Variants in CLEC16A observed in about 807,000 individuals in gnomAD.
The protein encoded by CLEC16A is protein CLEC16A.
CLEC16A carries 51 observed loss-of-function variants against 109.5 expected under a neutral mutation model. The observed-to-expected ratio is 0.47, with a 90% CI of 0.37 to 0.59. The LOEUF (loss-of-function observed/expected upper bound fraction) is 0.59, where lower values mean the gene tolerates loss of function less well. Ranked by LOEUF, CLEC16A falls within the 20% of genes least tolerant of loss-of-function variation. The pLI is 0.00. For synonymous variants in CLEC16A, 673 were observed against 564.2 expected, an observed-to-expected ratio of 1.19 and a Z score of -2.73; for missense variants, 1,339 against 1,394.0, an observed-to-expected ratio of 0.96 and a Z score of 0.63.
chr16:11,028,076 T>G (rs2046523151), intron 13 of CLEC16A, among the ~76,000 whole-genome samples: 1 of 152,194 alleles, frequency 6.6e-6, no homozygotes, highest in African/African-American at 2.4e-5. Flanking sequence ...GGCGCATGCC[T>G]GTAATCCCAG....
At chr16:11,040,975 G>A (rs1806596270) in intron 14 of CLEC16A, 1 of 152,152 alleles carries the variant, frequency 6.6e-6, no homozygotes, top group African/African-American at 2.4e-5. Context: ...GGCCTTAGAG[G>A]CATAGCCTGA....
At chr16:11,118,185 C>G (rs2052145125) in intron 19 of CLEC16A, among the ~76,000 whole-genome samples, 1 of 152,032 alleles carries the variant, frequency 6.6e-6, no homozygotes, top group Non-Finnish European at 1.5e-5. Context: ...AACTCCTGGG[C>G]TCAAGCATTC....
At chr16:11,125,832 G>A in intron 21 of CLEC16A, 147 bp from the exon 22 acceptor site, 2 of 768,350 alleles carry the variant, frequency 2.6e-6, no homozygotes, top group Non-Finnish European at 4.3e-6. Context: ...GGTCTCTGCA[G>A]CTTGAGGCTG....
chr16:11,012,594 C>CAAAAAAAAAAAA (rs551902895), intron 11 of CLEC16A, among the ~76,000 whole-genome samples: 6 of 67,940 alleles, frequency 8.8e-5, no homozygotes, highest in African/African-American at 2.7e-4. Flanking sequence ...GACTCCGTCT[C>CAAAAAAAAAAAA]AAAAAAAAAA....
chr16:11,001,093 C>CT (rs892688667), intron 10 of CLEC16A, among the ~76,000 whole-genome samples: 19 of 149,854 alleles, frequency 1.3e-4, no homozygotes, highest in East Asian at 7.8e-4. Context: ...TGTCTATACC[C>CT]TTTTTTTTTT....
chr16:11,092,479 G>T (rs1180240685), intron 19 of CLEC16A, among the ~76,000 whole-genome samples: 17 of 151,972 alleles, frequency 1.1e-4, no homozygotes, highest in Non-Finnish European at 2.9e-5. Flanking sequence ...CCTCCCGGGA[G>T]GTTCCCGTGA....
chr16:11,053,117 C>G (rs768771145), intron 18 of CLEC16A, among the ~76,000 whole-genome samples: 1 of 152,164 alleles, frequency 6.6e-6, no homozygotes, highest in South Asian at 2.1e-4. Flanking sequence ...CCTTGAACTC[C>G]TGGCCTCAAG....
intron 2 of CLEC16A, among the ~76,000 whole-genome samples, chr16:10,960,646 T>C (rs568640665): frequency 6.6e-6 from 1 of 152,134 alleles, no homozygotes; most frequent in Non-Finnish European, 1.5e-5. Flanking sequence ...CACGTTTTCA[T>C]GATGAGGGGG....
In CLEC16A at chr16:10,969,287, C is replaced by T; in HGVS notation, c.470C>T (p.Thr157Ile). Residue 157 changes from threonine (T) to isoleucine (I), a missense_variant, in exon 4 of 24, where the codon ACT becomes ATT. Thr to Ile is a moderately conservative substitution (Grantham distance 89, BLOSUM62 -1). Coordinates refer to ENST00000409790, the MANE Select transcript of CLEC16A (RefSeq NM_015226.3). ...KTLSLKLNNH[T>I]VHFFYNEHTN... ...CTTTCGTTAAAACTCAACAACCACACTGTCCATTTCTTTTATAATGAGGTA... is the reference window on the plus strand; with the variant it reads ...CTTTCGTTAAAACTCAACAACCACATTGTCCATTTCTTTTATAATGAGGTA... The T allele has an allele frequency of 6.2e-7, 1 of 1,610,370 alleles. No homozygotes were observed. Among genetic ancestry groups the T allele is most frequent in the Non-Finnish European group, 8.5e-7 (1 of 1,178,500 alleles).
intron 1 of CLEC16A, among the ~76,000 whole-genome samples, chr16:10,952,843 A>T (rs1296646214): frequency 6.6e-6 from 1 of 152,260 alleles, no homozygotes; most frequent in Non-Finnish European, 1.5e-5. Context: ...GCATAAAAAA[A>T]TGTCGACTAC....
At chr16:10,975,652 T>G (rs1378753832) in intron 7 of CLEC16A, among the ~76,000 whole-genome samples, 1 of 152,114 alleles carries the variant, frequency 6.6e-6, no homozygotes, top group Non-Finnish European at 1.5e-5. Context: ...AATATCTTTT[T>G]TCTTTTCTTT....
chr16:11,103,387 C>T (rs899080054), intron 19 of CLEC16A, among the ~76,000 whole-genome samples: 1 of 152,194 alleles, frequency 6.6e-6, no homozygotes, highest in Admixed American at 6.5e-5. Flanking sequence ...TGAGACCAGC[C>T]TGGCCAACAT....
At chr16:11,151,182 C>T (rs115118058) in intron 22 of CLEC16A, among the ~76,000 whole-genome samples, 5 of 152,222 alleles carry the variant, frequency 3.3e-5, no homozygotes, top group South Asian at 2.1e-4. Flanking sequence ...TGGCCACTTA[C>T]GTTGTTTCTA....
chr16:11,176,891 T>A (rs1302682625), intron 23 of CLEC16A, among the ~76,000 whole-genome samples: 1 of 152,236 alleles, frequency 6.6e-6, no homozygotes, highest in Non-Finnish European at 1.5e-5. Context: ...CCTCTTCCCT[T>A]TCTATATGCT....
chr16:11,170,201 G>A (rs957217577), intron 23 of CLEC16A, among the ~76,000 whole-genome samples: 4 of 152,310 alleles, frequency 2.6e-5, no homozygotes, highest in South Asian at 2.1e-4. Context: ...TCCAACGTGC[G>A]TGGCTGCTCT....
chr16:11,046,315 C>G (rs564842672), intron 16 of CLEC16A, among the ~76,000 whole-genome samples: 1 of 151,976 alleles, frequency 6.6e-6, no homozygotes, highest in African/African-American at 2.4e-5. Context: ...TTTATTATAC[C>G]CTAAGTATAA....
chr16:11,018,289 G>GA (rs34388528), intron 11 of CLEC16A, among the ~76,000 whole-genome samples: 336 of 111,836 alleles, frequency 3.0e-3, no homozygotes, highest in East Asian at 0.011. Context: ...TCTCAAAAAA[G>GA]AAAAAAAAAA....
At chr16:10,974,852 T>A (rs914084440) in intron 7 of CLEC16A, among the ~76,000 whole-genome samples, 4 of 152,266 alleles carry the variant, frequency 2.6e-5, no homozygotes, top group African/African-American at 4.8e-5. Context: ...CCACAGGGAA[T>A]GTTATGACAT....
At chr16:11,131,615 G>A (rs1000243284) in intron 22 of CLEC16A, among the ~76,000 whole-genome samples, 2 of 152,162 alleles carry the variant, frequency 1.3e-5, no homozygotes, top group African/African-American at 4.8e-5. Flanking sequence ...AGGGCTTAGT[G>A]ACATGACAAA....
Sources: allele counts gnomAD v4.1 joint callset (sites outside exome capture counted in the v4.1 genomes callset), GRCh38; gene constraint gnomAD v4.1.1; transcripts MANE v1.5; gene names NCBI Gene and HGNC (gene_info 2026-07-23, HGNC 2026-07-21).